The following KCNS3 variants were observed in gnomAD, a reference collection of about 807,000 sequenced individuals.
KCNS3 encodes delayed-rectifier potassium channel regulatory subunit KCNS3.
A neutral mutation model predicts 31.0 loss-of-function variants in KCNS3; 13 were observed. That is an observed-to-expected ratio of 0.42 (90% CI 0.27 to 0.67). The LOEUF (loss-of-function observed/expected upper bound fraction) is 0.67. Among genes scored for constraint, KCNS3 ranks in the 30% least tolerant of loss-of-function variants. The pLI is 0.25. For missense variants in KCNS3, 545 were observed against 622.4 expected (o/e 0.88, Z 1.32); for synonymous variants, 238 against 241.5 (o/e 0.99, Z 0.13).
intron 1 of KCNS3, among the ~76,000 whole-genome samples, chr2:17,882,299 G>A (rs1178629101): frequency 6.6e-6 from 1 of 152,198 alleles, no homozygotes; most frequent in Non-Finnish European, 1.5e-5. Context: ...ATTGTGGTTT[G>A]TAGGAACTTT....
chr2:17,913,291 A>G (rs984634728), intron 1 of KCNS3, among the ~76,000 whole-genome samples: 8 of 152,268 alleles, frequency 5.3e-5, no homozygotes, highest in African/African-American at 1.9e-4. Context: ...CAAAACTGAC[A>G]TGAATTTGCA....
intron 1 of KCNS3, among the ~76,000 whole-genome samples, chr2:17,911,802 C>T (rs1014132005): frequency 2.0e-5 from 3 of 152,234 alleles, no homozygotes; most frequent in African/African-American, 7.2e-5. Flanking sequence ...TGTTTGGATT[C>T]GAATCATGGA....
intron 2 of KCNS3, among the ~76,000 whole-genome samples, chr2:17,928,376 C>T (rs1408619142): frequency 6.6e-6 from 1 of 152,200 alleles, no homozygotes; most frequent in Non-Finnish European, 1.5e-5. Flanking sequence ...AAGTGATTCT[C>T]ATGCCTCAGC....
chr2:17,879,341 C>G (rs1674585322), intron 1 of KCNS3: 1 of 152,386 alleles, frequency 6.6e-6, no homozygotes, highest in African/African-American at 2.4e-5. Context: ...TCCTCCCCTC[C>G]CCTTTGCCCT....
At chr2:17,901,898 G>A (rs1242713938) in intron 1 of KCNS3, among the ~76,000 whole-genome samples, 3 of 152,170 alleles carry the variant, frequency 2.0e-5, no homozygotes, top group Non-Finnish European at 4.4e-5. Context: ...ACAACAGTTG[G>A]CCAGTGCCCT....
intron 2 of KCNS3, among the ~76,000 whole-genome samples, chr2:17,928,710 A>G (rs1340540174): frequency 2.0e-5 from 3 of 151,130 alleles, no homozygotes; most frequent in Non-Finnish European, 4.4e-5. Context: ...CTTGCAGACA[A>G]CCTTGCCTTT....
At chr2:17,882,282 A>G (rs1021720239) in intron 1 of KCNS3, among the ~76,000 whole-genome samples, 6 of 152,252 alleles carry the variant, frequency 3.9e-5, no homozygotes, top group Non-Finnish European at 8.8e-5. Context: ...TCACATTTGT[A>G]TAACCTATTG....
chr2:17,892,926 G>A (rs1841653), intron 1 of KCNS3, among the ~76,000 whole-genome samples: 49,830 of 152,132 alleles, frequency 0.33, 8,839 homozygotes, highest in East Asian at 0.57. Context: ...GCCAGGAGGC[G>A]GCACTTTCAG....
At position 17,888,639 on chromosome 2, in the gene KCNS3, A is replaced by ATC. The variant is rs1421769108; in HGVS notation, c.-252+9834_-252+9835insCT. ...TATAATAAAAAAAATGTATATATAT[A>ATC]TATATATATATATATATATATATAT... On this transcript the variant is annotated intron_variant, in intron 1 of 2. Coordinates refer to ENST00000304101, the MANE Select transcript of KCNS3 (RefSeq NM_002252.5). Among the ~76,000 whole-genome samples, 24 of 75,324 alleles carry ATC rather than the reference A, an allele frequency of 3.2e-4. No homozygotes were observed. In the East Asian group the frequency reaches 3.5e-3, roughly 11 times the overall value. The allele number at this position is 75,324 out of a possible 152,430, so 49.4% of individuals were successfully genotyped here.
chr2:17,896,537 T>G (rs76282849), intron 1 of KCNS3, among the ~76,000 whole-genome samples: 3,847 of 134,566 alleles, frequency 0.029, 161 homozygotes, highest in African/African-American at 0.11. Flanking sequence ...CCTTAGACTC[T>G]TTTTTTTTTT....
chr2:17,926,290 TG>T (rs1429255358), intron 2 of KCNS3, among the ~76,000 whole-genome samples: 1 of 152,214 alleles, frequency 6.6e-6, no homozygotes, highest in Non-Finnish European at 1.5e-5. Context: ...TGAGTGTCTG[TG>T]GCTTTTCCAG....
At chr2:17,888,637 A>ATATATCTATC (rs1661757551) in intron 1 of KCNS3, among the ~76,000 whole-genome samples, 1 of 70,746 alleles carries the variant, frequency 1.4e-5, no homozygotes, top group Non-Finnish European at 3.8e-5. Flanking sequence ...ATGTATATAT[A>ATATATCTATC]TATATATATA....
intron 1 of KCNS3, among the ~76,000 whole-genome samples, chr2:17,890,101 G>A (rs1410057712): frequency 6.6e-5 from 10 of 152,008 alleles, no homozygotes; most frequent in Admixed American, 6.5e-4. Flanking sequence ...CAATCTCACT[G>A]CTTGTTATTA....
intron 1 of KCNS3, among the ~76,000 whole-genome samples, chr2:17,912,905 A>C (rs1009854727): frequency 6.6e-6 from 1 of 152,262 alleles, no homozygotes; most frequent in African/African-American, 2.4e-5. Context: ...TTTAAAAATC[A>C]TGTTAATTCA....
At chr2:17,908,621 C>T (rs938802879) in intron 1 of KCNS3, among the ~76,000 whole-genome samples, 4 of 152,188 alleles carry the variant, frequency 2.6e-5, no homozygotes, top group African/African-American at 9.7e-5. Flanking sequence ...ATAATGGTGA[C>T]GTACAGATGG....
chr2:17,895,028 A>C (rs1168746661), intron 1 of KCNS3, among the ~76,000 whole-genome samples: 1 of 152,154 alleles, frequency 6.6e-6, no homozygotes, highest in Non-Finnish European at 1.5e-5. Flanking sequence ...TATATTGATG[A>C]AGTGTAGGAT....
intron 2 of KCNS3, among the ~76,000 whole-genome samples, chr2:17,921,021 G>A (rs2125250498): frequency 6.6e-6 from 1 of 152,276 alleles, no homozygotes; most frequent in African/African-American, 2.4e-5. Context: ...CTATGACTTA[G>A]GGCTGTTAGA....
At chr2:17,920,074 A>C (rs897243872) in intron 2 of KCNS3, among the ~76,000 whole-genome samples, 1 of 152,240 alleles carries the variant, frequency 6.6e-6, no homozygotes, top group Non-Finnish European at 1.5e-5. Context: ...TTTTAAATTT[A>C]ATAGAATAAA....
chr2:17,908,526 G>T (rs1427677063), intron 1 of KCNS3, among the ~76,000 whole-genome samples: 4 of 152,244 alleles, frequency 2.6e-5, no homozygotes, highest in African/African-American at 7.2e-5. Flanking sequence ...TATGGAGGGG[G>T]AGAGGTACTC....
Sources: gnomAD v4.1 joint callset for allele counts (sites outside exome capture counted in the v4.1 genomes callset) on GRCh38, gnomAD v4.1.1 for gene constraint, MANE v1.5 for transcripts, NCBI Gene and HGNC (gene_info 2026-07-23, HGNC 2026-07-21) for gene names.